The following NTRK2 variants were observed in gnomAD, a reference collection of about 807,000 sequenced individuals.
The protein encoded by NTRK2 is BDNF/NT-3 growth factors receptor.
NTRK2 carries 13 observed loss-of-function variants against 94.5 expected under a neutral mutation model. The observed-to-expected ratio is 0.14, with a 90% CI of 0.09 to 0.22. The LOEUF (loss-of-function observed/expected upper bound fraction) is 0.22. NTRK2 is among the 10% of genes least tolerant of loss of function. The probability of loss-of-function intolerance (pLI) is 1.00; values close to 1 mark genes in which losing one functional copy is unlikely to be tolerated. For missense variants in NTRK2, 639 were observed against 1,071.2 expected (o/e 0.60, Z 5.63); for synonymous variants, 372 against 407.4 (o/e 0.91, Z 1.05).
At chr9:84,884,988 A>G (rs2076369493) in intron 14 of NTRK2, among the ~76,000 whole-genome samples, 1 of 152,234 alleles carries the variant, frequency 6.6e-6, no homozygotes, top group Admixed American at 6.5e-5. Context: ...GAACATGTAA[A>G]ATATGTACTG....
At chr9:84,796,163 A>G (rs1806640898) in intron 12 of NTRK2, among the ~76,000 whole-genome samples, 1 of 152,154 alleles carries the variant, frequency 6.6e-6, no homozygotes, top group Admixed American at 6.5e-5. Flanking sequence ...ATCCAGGGTT[A>G]TTAAGGTGGC....
chr9:84,793,778 C>T (rs2068975923), intron 12 of NTRK2, among the ~76,000 whole-genome samples: 1 of 152,110 alleles, frequency 6.6e-6, no homozygotes, highest in South Asian at 2.1e-4. Flanking sequence ...GACTATAAGA[C>T]AGGGGTCAGT....
chr9:84,723,440 C>A, intron 6 of NTRK2, 133 bp from the exon 7 acceptor site: 1 of 1,017,410 alleles, frequency 9.8e-7, no homozygotes, highest in Non-Finnish European at 1.5e-6. Flanking sequence ...TTTTTCAGAT[C>A]AACAGAAATC....
At chr9:84,835,220 A>G (rs2073801940) in intron 12 of NTRK2, among the ~76,000 whole-genome samples, 2 of 152,210 alleles carry the variant, frequency 1.3e-5, no homozygotes, top group Admixed American at 1.3e-4. Flanking sequence ...AGGTGTCGCC[A>G]TTCATCAATC....
At chr9:84,897,150 C>A (rs1456284422) in intron 14 of NTRK2, among the ~76,000 whole-genome samples, 1 of 150,404 alleles carries the variant, frequency 6.6e-6, no homozygotes, top group Non-Finnish European at 1.5e-5. Flanking sequence ...ATTTTTTTTT[C>A]TGTCTGAGAC....
intron 12 of NTRK2, among the ~76,000 whole-genome samples, chr9:84,791,738 G>T (rs570584137): frequency 1.0e-3 from 153 of 152,304 alleles, no homozygotes; most frequent in African/African-American, 3.5e-3. Flanking sequence ...GTCCTATGTG[G>T]CAACACCCTA....
intron 14 of NTRK2, 43 bp downstream of exon 14, chr9:84,867,474 G>A (rs201567420): frequency 7.9e-6 from 12 of 1,523,050 alleles, no homozygotes; most frequent in Non-Finnish European, 1.0e-5. Context: ...TTGCTGCATA[G>A]CTGTATCAAC....
At chr9:84,775,490 A>G (rs531088992) in intron 12 of NTRK2, among the ~76,000 whole-genome samples, 1 of 152,346 alleles carries the variant, frequency 6.6e-6, no homozygotes, top group Non-Finnish European at 1.5e-5. Context: ...ATTGCTTGCT[A>G]CAGTCCACAG....
chr9:85,003,945 G>C (rs1830597845), intron 17 of NTRK2, among the ~76,000 whole-genome samples: 1 of 143,460 alleles, frequency 7.0e-6, no homozygotes, highest in East Asian at 2.0e-4. Flanking sequence ...AACAAAAACA[G>C]GAGTGATTGG....
intron 14 of NTRK2, among the ~76,000 whole-genome samples, chr9:84,890,573 C>T (rs758354264): frequency 2.5e-4 from 38 of 152,158 alleles, no homozygotes; most frequent in Non-Finnish European, 4.4e-4. Context: ...AATGAAATCT[C>T]CTAGTTACAG....
chr9:84,698,446 C>T (rs976408368), intron 2 of NTRK2, among the ~76,000 whole-genome samples: 2 of 151,976 alleles, frequency 1.3e-5, no homozygotes, highest in Non-Finnish European at 2.9e-5. Context: ...GATGGACACT[C>T]GGGTTGTTCC....
intron 12 of NTRK2, chr9:84,813,574 T>G (rs2072050015): frequency 2.0e-5 from 21 of 1,065,670 alleles, no homozygotes; most frequent in Non-Finnish European, 2.3e-5. Context: ...CCCAGTTATC[T>G]GCAACATGTC....
intron 12 of NTRK2, among the ~76,000 whole-genome samples, chr9:84,779,209 G>A (rs933044222): frequency 1.3e-5 from 2 of 152,134 alleles, no homozygotes; most frequent in African/African-American, 4.8e-5. Context: ...TCATTCTGAA[G>A]GCTCTACATG....
intron 18 of NTRK2, 108 bp downstream of exon 18, chr9:85,020,472 T>C: frequency 1.8e-6 from 2 of 1,135,206 alleles, no homozygotes; most frequent in Non-Finnish European, 2.7e-6. Flanking sequence ...CACGATCTTA[T>C]GGGCTTTGTT....
chr9:84,928,886 T>A (rs565411255), intron 14 of NTRK2, among the ~76,000 whole-genome samples: 2 of 152,186 alleles, frequency 1.3e-5, no homozygotes, highest in Non-Finnish European at 2.9e-5. Context: ...AAGATCTCTC[T>A]CTTTTTAACT....
chr9:84,777,847 C>G (rs1357945439), intron 12 of NTRK2, among the ~76,000 whole-genome samples: 1 of 152,030 alleles, frequency 6.6e-6, no homozygotes, highest in Non-Finnish European at 1.5e-5. Flanking sequence ...TTTTGCAAGA[C>G]CTTTTAAAAT....
At position 84,880,978 on chromosome 9, in the gene NTRK2, G is replaced by A. The variant is rs538936439; in HGVS notation, c.1633+13547G>A. 8.5e-5 allele frequency among the ~76,000 whole-genome samples: 13 copies of A among 152,304 alleles called. No homozygotes were observed. The East Asian group carries it at 1.9e-3, about 23-fold the overall frequency. ...TTGTTTACTAGAGTGTTCCAAGCCCGCTGAACCTCTATGCATTATCAGCTA... is the reference window on the plus strand; with the variant it reads ...TTGTTTACTAGAGTGTTCCAAGCCCACTGAACCTCTATGCATTATCAGCTA... On this transcript the variant is annotated intron_variant, in intron 14 of 18. Transcript: ENST00000277120.
At chr9:84,925,147 C>T (rs1434790874) in intron 14 of NTRK2, among the ~76,000 whole-genome samples, 1 of 151,998 alleles carries the variant, frequency 6.6e-6, no homozygotes, top group Non-Finnish European at 1.5e-5. Context: ...TCTGCACCTT[C>T]CCTAGGAATC....
At chr9:84,857,470 A>C (rs1395186963) in intron 12 of NTRK2, among the ~76,000 whole-genome samples, 1 of 152,186 alleles carries the variant, frequency 6.6e-6, no homozygotes, top group Non-Finnish European at 1.5e-5. Flanking sequence ...CTTGTGGGAA[A>C]ATTTTGCTTG....
Sources: gnomAD v4.1 joint callset for allele counts (sites outside exome capture counted in the v4.1 genomes callset) on GRCh38, gnomAD v4.1.1 for gene constraint, MANE v1.5 for transcripts, NCBI Gene and HGNC (gene_info 2026-07-23, HGNC 2026-07-21) for gene names.